The following ASAP2 variants were observed in gnomAD, a reference collection of about 807,000 sequenced individuals.
ASAP2 encodes arf-GAP with SH3 domain, ANK repeat and PH domain-containing protein 2.
In ASAP2, 45 loss-of-function variants were observed where a neutral mutation model predicts 131.4. The observed-to-expected ratio is 0.34, with a 90% CI of 0.27 to 0.44. The LOEUF (loss-of-function observed/expected upper bound fraction) is 0.44, where lower values mean the gene tolerates loss of function less well. ASAP2 is among the 20% of genes least tolerant of loss of function. The pLI, the probability that ASAP2 is intolerant of heterozygous loss-of-function variation, is 1.00. For missense variants in ASAP2, 1,011 were observed against 1,297.0 expected (o/e 0.78, Z 3.39); for synonymous variants, 510 against 503.0 (o/e 1.01, Z -0.19).
rs1676593508 is a variant in ASAP2, at chr2:9,400,776, G to C, written c.2769G>C (p.Leu923=). ...DLSATEALGP[L]SNAMVLQPPA... ...CTGCAACGGAAGCTCTGGGTCCTCT[G>C]TCCAATGCTATGGTCCTGCAGCCCC... is the stretch of plus-strand genomic sequence containing the variant. Residue 923 remains leucine, a synonymous_variant, in exon 26 of 28, where the codon CTG becomes CTC. Coordinates refer to ENST00000281419, the MANE Select transcript of ASAP2 (RefSeq NM_003887.3). 1.2e-6 allele frequency: 2 copies of C among 1,613,668 alleles called. No individual in the cohort carries two copies. Among genetic ancestry groups the C allele is most frequent in the African/African-American group, 2.7e-5 (2 of 74,930 alleles).
intron 22 of ASAP2, among the ~76,000 whole-genome samples, 170 bp downstream of exon 22, chr2:9,388,716 T>C (rs1675493817): frequency 6.6e-6 from 1 of 152,208 alleles, no homozygotes; most frequent in South Asian, 2.1e-4. Context: ...GGCCAGATGG[T>C]GGTAGAGTCT....
In ASAP2 at chr2:9,279,361, C is replaced by T. The variant is rs187635981; in HGVS notation, c.171C>T (p.Ser57=). The T allele has an allele frequency of 1.7e-5, 28 of 1,614,092 alleles. No homozygotes were observed. Among genetic ancestry groups the T allele is most frequent in the African/African-American group, 4.0e-5 (3 of 75,026 alleles). The change falls in exon 2 of 28, where the codon TCC becomes TCT. Residue 57 remains serine, a synonymous_variant. Coordinates refer to ENST00000281419, the MANE Select transcript of ASAP2 (RefSeq NM_003887.3). ...TGGTTCTTTACAAAATGAAGAAATC[C>T]GTGAAAGCAATCAACAGCTCTGGGC... ...DRMVLYKMKK[S]VKAINSSGLA...
chr2:9,383,814 C>A (rs1280988151), intron 20 of ASAP2, among the ~76,000 whole-genome samples: 1 of 152,030 alleles, frequency 6.6e-6, no homozygotes, highest in African/African-American at 2.4e-5. Flanking sequence ...ACATATACAC[C>A]GTGCAATACT....
chr2:9,207,250 G>A lies in ASAP2; in HGVS notation c.126+20G>A, dbSNP rs1466142544. On this transcript the variant is annotated intron_variant, in intron 1 of 27. Transcript: ENST00000281419. This position sits in a 1 kb window ranked among gnomAD's most constrained non-coding sequence, Gnocchi z 4.1. ...GAGGAGGTGAGGCGGCCTGCGCGGC[G>A]GCTCCGGCCGCAGGTATCCCGCGCC... The A allele has an allele frequency of 3.3e-6, 5 of 1,537,610 alleles. No homozygotes were observed. The Admixed American group carries it at 9.9e-5, about 30-fold the overall frequency.
In ASAP2 at chr2:9,400,943, C is replaced by T. The variant is rs924509182; in HGVS notation, c.2823+113C>T. On this transcript the variant is annotated intron_variant, in intron 26 of 27. Transcript: ENST00000281419. ...CCCTCTTCCCCTGGCTGGGGCAGGGCGGGGCTCTTCTTGGTACCTGACTGC... is the reference window on the plus strand; with the variant it reads ...CCCTCTTCCCCTGGCTGGGGCAGGGTGGGGCTCTTCTTGGTACCTGACTGC... 8 of 1,122,358 alleles carry T rather than the reference C, an allele frequency of 7.1e-6. No individual in the cohort carries two copies. The highest frequency in any genetic ancestry group is 4.7e-5 in the African/African-American group (3 of 64,384). The allele number at this position is 1,122,358 out of a possible 1,614,324, so 69.5% of individuals were successfully genotyped here. A position where few individuals can be genotyped will look rare whatever the true frequency, so the allele number is the denominator to read the frequency against.
At chr2:9,256,919 C>G (rs1179528277) in intron 1 of ASAP2, among the ~76,000 whole-genome samples, 1 of 152,222 alleles carries the variant, frequency 6.6e-6, no homozygotes, top group Non-Finnish European at 1.5e-5. Flanking sequence ...CTTCCTGATC[C>G]TCCTGCTGCA....
rs916280173 is a variant in ASAP2, at chr2:9,365,159, T to C, written c.1462-3266T>C. Among the ~76,000 whole-genome samples, 5 of 152,246 alleles carry C rather than the reference T, an allele frequency of 3.3e-5. No individual in the cohort carries two copies. The East Asian group carries it at 9.6e-4, about 29-fold the overall frequency. ...TAAAGGGTCAGGTAAAGACATCATA[T>C]GTAAACTTTTTCCCTGCACACCAGA... On this transcript the variant is annotated intron_variant, in intron 15 of 27. Coordinates refer to ENST00000281419, the MANE Select transcript of ASAP2 (RefSeq NM_003887.3).
chr2:9,317,583 C>T (rs778769136), intron 3 of ASAP2, among the ~76,000 whole-genome samples: 6 of 150,264 alleles, frequency 4.0e-5, no homozygotes, highest in Admixed American at 1.3e-4. Context: ...CCCACACACC[C>T]GTACACAATC....
intron 1 of ASAP2, among the ~76,000 whole-genome samples, chr2:9,230,892 G>A (rs1663111789): frequency 6.6e-6 from 1 of 152,178 alleles, no homozygotes; most frequent in African/African-American, 2.4e-5. Flanking sequence ...CTGCACAGGA[G>A]CATGGGCCAG....
At chr2:9,334,201 GT>G (rs111579113) in intron 7 of ASAP2, among the ~76,000 whole-genome samples, 116 of 129,458 alleles carry the variant, frequency 9.0e-4, no homozygotes, top group East Asian at 6.9e-3. Flanking sequence ...TTTTGTATTT[GT>G]TTTTTTTTTT....
intron 3 of ASAP2, among the ~76,000 whole-genome samples, chr2:9,312,188 TC>T (rs1455144506): frequency 1.3e-5 from 2 of 152,172 alleles, no homozygotes; most frequent in Non-Finnish European, 2.9e-5. Context: ...AATCCCATCT[TC>T]CCCTTTGCTC....
In ASAP2 at chr2:9,255,804, A is replaced by G. The variant is rs529686014; in HGVS notation, c.127-23513A>G. On this transcript the variant is annotated intron_variant, in intron 1 of 27. Transcript: ENST00000281419. Reference sequence around the variant, plus strand: ...GTTTTCTGAAAAGATTTATACTCTGATGTTTGCATCACATAGCAGGGAGGT... The same window carrying G: ...GTTTTCTGAAAAGATTTATACTCTGGTGTTTGCATCACATAGCAGGGAGGT... Among the ~76,000 whole-genome samples the G allele has an allele frequency of 2.6e-5, 4 of 152,324 alleles. No homozygotes were observed. In the South Asian group the frequency reaches 8.3e-4, roughly 32 times the overall value.
intron 3 of ASAP2, among the ~76,000 whole-genome samples, chr2:9,317,275 CCACACCCT>C (rs763411745): frequency 1.6e-4 from 24 of 148,942 alleles, no homozygotes; most frequent in Admixed American, 9.3e-4. Flanking sequence ...ACACTCATAT[CCACACCCT>C]CACACCCTCA....
intron 3 of ASAP2, among the ~76,000 whole-genome samples, chr2:9,317,721 A>G (rs551142803): frequency 1.2e-4 from 18 of 147,514 alleles, no homozygotes; most frequent in Admixed American, 1.1e-3. Flanking sequence ...CCCATACACA[A>G]TCACATTCAC....
intron 11 of ASAP2, among the ~76,000 whole-genome samples, chr2:9,349,835 G>A (rs1672214753): frequency 6.6e-6 from 1 of 152,212 alleles, no homozygotes; most frequent in Admixed American, 6.5e-5. Flanking sequence ...TCACAGGTCT[G>A]TCCAGGTGTA....
chr2:9,252,489 G>T (rs182607963), intron 1 of ASAP2, among the ~76,000 whole-genome samples: 101 of 152,168 alleles, frequency 6.6e-4, no homozygotes, highest in African/African-American at 2.3e-3. Context: ...CAGGAGAATC[G>T]CTTAAACCCA....
At chr2:9,342,163 TC>T (rs1488891446) in intron 9 of ASAP2, among the ~76,000 whole-genome samples, 3 of 152,206 alleles carry the variant, frequency 2.0e-5, no homozygotes, top group Non-Finnish European at 4.4e-5. Context: ...GACAAGCTGA[TC>T]CTGAAGTTCA....
At chr2:9,377,779 G>A (rs1422473743) in intron 18 of ASAP2, among the ~76,000 whole-genome samples, 1 of 152,178 alleles carries the variant, frequency 6.6e-6, no homozygotes, top group Non-Finnish European at 1.5e-5. Flanking sequence ...CCATTTCTGA[G>A]CAGAGGAGTG....
In ASAP2 at chr2:9,368,482, G is replaced by C. The variant is rs1673653612; in HGVS notation, c.1519G>C (p.Ala507Pro). 6.2e-7 allele frequency: 1 copy of C among 1,614,180 alleles called. No homozygotes were observed. The highest frequency in any genetic ancestry group is 2.2e-5 in the East Asian group (1 of 44,878). ...FNEIMECCLP[A>P]EDSVKPNPGS... ...TGAGATCATGGAATGTTGCCTACCA[G>C]CTGAGGACTCAGTCAAACCCAACCC... The change falls in exon 16 of 28, where the codon GCT becomes CCT. Residue 507 changes from alanine to proline, a missense_variant. Around this residue, in one of 2 missense-constraint regions of ASAP2, gnomAD observed 652 missense variants for 698.9 expected, o/e 0.93. Coordinates refer to ENST00000281419, the MANE Select transcript of ASAP2 (RefSeq NM_003887.3).
Sources: allele counts gnomAD v4.1 joint callset (sites outside exome capture counted in the v4.1 genomes callset), GRCh38; gene constraint gnomAD v4.1.1; regional missense constraint gnomAD v4.1.1; non-coding constraint Gnocchi (gnomAD v3.1); transcripts MANE v1.5; gene names NCBI Gene and HGNC (gene_info 2026-07-23, HGNC 2026-07-21).